The following PDE2A variants were observed in gnomAD, a reference collection of about 807,000 sequenced individuals.
PDE2A encodes phosphodiesterase 2A.
In PDE2A, 53 loss-of-function variants were observed where a neutral mutation model predicts 133.6. The ratio of observed to expected loss-of-function variants is 0.40; its 90% CI spans 0.32 to 0.50. The LOEUF is 0.50. PDE2A is among the 20% of genes least tolerant of loss of function. The probability of loss-of-function intolerance (pLI) is 0.73; values close to 1 mark genes in which losing one functional copy is unlikely to be tolerated. For synonymous variants in PDE2A, 491 were observed against 490.2 expected (o/e 1.00, Z -0.02); for missense variants, 796 against 1,232.4 (o/e 0.65, Z 5.30).
At chr11:72,635,752 G>A (rs1452616095) in intron 2 of PDE2A, among the ~76,000 whole-genome samples, 1 of 152,202 alleles carries the variant, frequency 6.6e-6, no homozygotes, top group Non-Finnish European at 1.5e-5. Flanking sequence ...CCGAGAGTGG[G>A]GGCCAAGGAA....
chr11:72,645,631 G>T (rs566204367), intron 1 of PDE2A, among the ~76,000 whole-genome samples: 1 of 152,344 alleles, frequency 6.6e-6, no homozygotes, highest in South Asian at 2.1e-4. Flanking sequence ...CCAGATGTTT[G>T]TGAATGTCCC....
At chr11:72,611,941 G>A (rs1802144595) in intron 2 of PDE2A, among the ~76,000 whole-genome samples, 1 of 152,216 alleles carries the variant, frequency 6.6e-6, no homozygotes, top group Non-Finnish European at 1.5e-5. Context: ...GGGCTCAGAG[G>A]GAAGAGTTGC....
intron 2 of PDE2A, among the ~76,000 whole-genome samples, chr11:72,622,260 C>T (rs1177184043): frequency 6.6e-6 from 1 of 152,080 alleles, no homozygotes; most frequent in Non-Finnish European, 1.5e-5. Context: ...GTACACTGTC[C>T]GTGGGAATGT....
At chr11:72,627,761 C>A (rs1312498385) in intron 2 of PDE2A, among the ~76,000 whole-genome samples, 2 of 152,200 alleles carry the variant, frequency 1.3e-5, no homozygotes, top group Non-Finnish European at 2.9e-5. Flanking sequence ...CTCCCCATGC[C>A]CCCATCCCAG....
intron 1 of PDE2A, among the ~76,000 whole-genome samples, chr11:72,660,341 G>T (rs988814420): frequency 2.8e-4 from 43 of 152,172 alleles, no homozygotes; most frequent in Admixed American, 2.7e-3. Context: ...AGAAACTAAG[G>T]AGGGGCGGGT....
intron 4 of PDE2A, among the ~76,000 whole-genome samples, chr11:72,603,288 C>CT (rs33965768): frequency 2.9e-4 from 44 of 151,186 alleles, no homozygotes; most frequent in East Asian, 9.7e-4. Flanking sequence ...CTTTTAATTG[C>CT]TTTTTTTTTT....
In PDE2A at chr11:72,590,311, G is replaced by T; in HGVS notation, c.704-67C>A. 6.5e-7 allele frequency: 1 copy of T among 1,538,492 alleles called. No individual in the cohort carries two copies. The highest frequency in any genetic ancestry group is 8.8e-7 in the Non-Finnish European group (1 of 1,136,042). ...ACCTCCGTGTCCGGGTCCCTCAGGC[G>T]CCGCTCAGCTCCGCGCCGGGCCCGC... On this transcript the variant is annotated intron_variant, in intron 8 of 30. Coordinates refer to ENST00000334456, the MANE Select transcript of PDE2A (RefSeq NM_002599.5). This position sits in a 1 kb window ranked among gnomAD's most constrained non-coding sequence, Gnocchi z 4.8.
intron 1 of PDE2A, among the ~76,000 whole-genome samples, chr11:72,650,722 C>G (rs1463966128): frequency 1.3e-5 from 2 of 152,142 alleles, no homozygotes; most frequent in African/African-American, 4.8e-5. Flanking sequence ...TGGTCCTCTG[C>G]CAAAGGCAGC....
chr11:72,585,457 C>A, intron 15 of PDE2A, 23 bp from the exon 16 acceptor site: 1 of 1,613,514 alleles, frequency 6.2e-7, no homozygotes, highest in Non-Finnish European at 8.5e-7. Context: ...GAAGACCAGG[C>A]AGGGTGAGAC....
intron 4 of PDE2A, among the ~76,000 whole-genome samples, chr11:72,602,237 A>G (rs1283995883): frequency 6.6e-6 from 1 of 152,204 alleles, no homozygotes. Context: ...TGGGCATCTG[A>G]GAGCCCAAAC....
rs756091717 is a variant in PDE2A at position 72,674,249 on chromosome 11, C to T, written c.-42G>A. 1 of 1,581,578 alleles carries T rather than the reference C, an allele frequency of 6.3e-7. No individual in the cohort carries two copies. The highest frequency in any genetic ancestry group is 1.1e-5 in the South Asian group (1 of 88,852). On this transcript the variant is annotated 5_prime_UTR_variant, in exon 1 of 31. In the 5' UTR this introduces an upstream ATG that the reference lacks. Transcript: ENST00000334456. Reference sequence around the variant, plus strand: ...CCTCCCCAGCCAGACTAAGGTGGCACCTCGCCCTGTCCCCGCTGCCTGGAG... The same window carrying T: ...CCTCCCCAGCCAGACTAAGGTGGCATCTCGCCCTGTCCCCGCTGCCTGGAG...
chr11:72,644,295 A>G (rs79365269), intron 1 of PDE2A, among the ~76,000 whole-genome samples: 137 of 152,374 alleles, frequency 9.0e-4, no homozygotes, highest in Non-Finnish European at 1.4e-3. Flanking sequence ...TGAATCTTCC[A>G]AACAGGGGCA....
chr11:72,605,027 G>A (rs557651790), intron 4 of PDE2A, 111 bp downstream of exon 4: 174 of 605,734 alleles, frequency 2.9e-4, no homozygotes, highest in Middle Eastern at 8.2e-4. Context: ...GCAGGGAGGC[G>A]GGGATCAATG....
rs953445306 is a variant in PDE2A, at chr11:72,585,453, C to T, written c.1223-19G>A. ...ACGTCATCTGGGGAAGGGAGAAGAC[C>T]AGGCAGGGTGAGACCAGGCTGCCAA... On this transcript the variant is annotated intron_variant, in intron 15 of 30. Transcript: ENST00000334456. 6.2e-7 allele frequency: 1 copy of T among 1,613,772 alleles called. No individual in the cohort carries two copies. Among genetic ancestry groups the T allele is most frequent in the Non-Finnish European group, 8.5e-7 (1 of 1,179,668 alleles).
At chr11:72,645,272 C>T (rs540610928) in intron 1 of PDE2A, among the ~76,000 whole-genome samples, 1 of 152,296 alleles carries the variant, frequency 6.6e-6, no homozygotes, top group Non-Finnish European at 1.5e-5. Flanking sequence ...TCTATTTCCC[C>T]ATCTGTGAAA....
At chr11:72,673,494 C>T (rs1396172341) in intron 1 of PDE2A, among the ~76,000 whole-genome samples, 1 of 152,080 alleles carries the variant, frequency 6.6e-6, no homozygotes, top group East Asian at 1.9e-4. Context: ...TGCACATGCA[C>T]CCCCCTGCAC....
intron 16 of PDE2A, 125 bp from the exon 17 acceptor site, chr11:72,585,069 G>T: frequency 1.1e-6 from 1 of 903,028 alleles, no homozygotes; most frequent in South Asian, 1.5e-5. Flanking sequence ...AAGACACTCT[G>T]CTCAGGGCTG....
In PDE2A at chr11:72,658,468, G is replaced by GC. The variant is rs572104384; in HGVS notation, c.71+15668dup. On this transcript the variant is annotated intron_variant, in intron 1 of 30. Coordinates refer to ENST00000334456, the MANE Select transcript of PDE2A (RefSeq NM_002599.5). ...AGGCACCCCTGCAACCTCCCCACCT[G>GC]CCCCCCCACACACCCTAGATTTTTT... Among the ~76,000 whole-genome samples, 1,246 of 151,798 alleles carry GC rather than the reference G, an allele frequency of 8.2e-3. 12 individuals carry two copies. The highest frequency in any genetic ancestry group is 0.012 in the Non-Finnish European group (821 of 67,916).
intron 1 of PDE2A, among the ~76,000 whole-genome samples, chr11:72,665,799 T>G (rs1027618934): frequency 3.9e-5 from 6 of 151,914 alleles, no homozygotes; most frequent in Non-Finnish European, 8.8e-5. Flanking sequence ...TGAGCCCAGA[T>G]AGGCCTCCAG....
Sources: gnomAD v4.1 joint callset for allele counts (sites outside exome capture counted in the v4.1 genomes callset) on GRCh38, gnomAD v4.1.1 for gene constraint, Gnocchi (gnomAD v3.1) non-coding constraint, MANE v1.5 for transcripts, NCBI Gene and HGNC (gene_info 2026-07-23, HGNC 2026-07-21) for gene names.